The following OR11A1 variants were observed in gnomAD, a reference collection of about 807,000 sequenced individuals.
OR11A1 encodes the protein olfactory receptor family 11 subfamily A member 1.
For missense variants in OR11A1, 380 were observed against 378.2 expected (o/e 1.00, Z -0.04); for synonymous variants, 158 against 152.2 (o/e 1.04, Z -0.28).
rs190930561 is a variant in OR11A1, at chr6:29,455,607, T to G, written c.-389+1380A>C. Among the ~76,000 whole-genome samples the G allele has an allele frequency of 1.7e-3, 266 of 152,266 alleles. 6 individuals carry two copies. The highest frequency in any genetic ancestry group is 0.017 in the Middle Eastern group (5 of 294). ...TAATTGGCTTGACCATAGTAATCAT[T>G]TAACTATGTATATCAAAACATCATT... is the stretch of plus-strand genomic sequence containing the variant. On this transcript the variant is annotated intron_variant, in intron 1 of 4. Transcript: ENST00000377149.
chr6:29,453,779 G>A lies in OR11A1; in HGVS notation c.-389+3208C>T, dbSNP rs1252711715. Reference sequence around the variant, plus strand: ...TACAGAAGAAACATGAGAGAAACCAGCATGAAGTAAAATCCAAGACAAACT... The same window carrying A: ...TACAGAAGAAACATGAGAGAAACCAACATGAAGTAAAATCCAAGACAAACT... On this transcript the variant is annotated intron_variant, in intron 1 of 4. Coordinates refer to ENST00000377149, the MANE Select transcript of OR11A1 (RefSeq NM_001394828.1). This position sits in a 1 kb window ranked among gnomAD's most constrained non-coding sequence, Gnocchi z 4.5. Among the ~76,000 whole-genome samples the A allele has an allele frequency of 6.6e-6, 1 of 152,166 alleles. No individual in the cohort carries two copies. The highest frequency in any genetic ancestry group is 1.9e-4 in the East Asian group (1 of 5,198).
At chr6:29,434,015 G>A (rs1783451350) in intron 1 of OR11A1, among the ~76,000 whole-genome samples, 1 of 152,018 alleles carries the variant, frequency 6.6e-6, no homozygotes, top group African/African-American at 2.4e-5. Flanking sequence ...TTAAAATTGA[G>A]TTATTTGTTT....
chr6:29,447,578 A>G (rs138463389), intron 1 of OR11A1, among the ~76,000 whole-genome samples: 7 of 152,342 alleles, frequency 4.6e-5, no homozygotes, highest in African/African-American at 7.2e-5. Context: ...AATGAACTGA[A>G]GGAGGACTAG....
chr6:29,438,718 C>T (rs540219677), intron 1 of OR11A1, among the ~76,000 whole-genome samples: 23 of 152,250 alleles, frequency 1.5e-4, no homozygotes, highest in African/African-American at 4.3e-4. Flanking sequence ...AAGCATTCTC[C>T]CCATTGGAAA....
At chr6:29,448,335 G>T (rs1356260220) in intron 1 of OR11A1, among the ~76,000 whole-genome samples, 1 of 152,156 alleles carries the variant, frequency 6.6e-6, no homozygotes, top group Non-Finnish European at 1.5e-5. Flanking sequence ...TTCTAAGGAA[G>T]TGAAGATGGC....
chr6:29,451,854 G>T (rs1367554394), intron 1 of OR11A1, among the ~76,000 whole-genome samples: 1 of 152,108 alleles, frequency 6.6e-6, no homozygotes, highest in South Asian at 2.1e-4. Context: ...ATACACGAAG[G>T]AATATAAATT....
At chr6:29,427,849 C>T in intron 4 of OR11A1, 117 bp from the exon 5 acceptor site, 1 of 757,662 alleles carries the variant, frequency 1.3e-6, no homozygotes, top group African/African-American at 1.8e-5. Flanking sequence ...CTCATCCTTC[C>T]CTGCCTTCCT....
At chr6:29,434,368 A>G (rs554361221) in intron 1 of OR11A1, among the ~76,000 whole-genome samples, 27 of 152,204 alleles carry the variant, frequency 1.8e-4, no homozygotes, top group Non-Finnish European at 3.2e-4. Flanking sequence ...ATCCAATTTC[A>G]TTCTTCTGCA....
rs117858402 is a variant in OR11A1, at chr6:29,438,465, T to A, written c.-388-6478A>T. Among the ~76,000 whole-genome samples the A allele has an allele frequency of 3.5e-3, 503 of 144,894 alleles. 5 individuals are homozygous for A. The highest frequency in any genetic ancestry group is 0.014 in the East Asian group (73 of 5,124). Reference sequence around the variant, plus strand: ...CAAATAAATTGATTACTGGATTATATCAATATACATAAGAAGGGTAAAATT... The same window carrying A: ...CAAATAAATTGATTACTGGATTATAACAATATACATAAGAAGGGTAAAATT... On this transcript the variant is annotated intron_variant, in intron 1 of 4. Coordinates refer to ENST00000377149, the MANE Select transcript of OR11A1 (RefSeq NM_001394828.1).
intron 1 of OR11A1, among the ~76,000 whole-genome samples, chr6:29,449,919 G>A (rs1482520329): frequency 2.6e-5 from 4 of 152,272 alleles, no homozygotes; most frequent in East Asian, 3.9e-4. Context: ...TTACAAGCCT[G>A]AGTCACCGTG....
intron 1 of OR11A1, among the ~76,000 whole-genome samples, chr6:29,432,225 C>T (rs551943929): frequency 3.9e-5 from 6 of 152,082 alleles, no homozygotes; most frequent in Non-Finnish European, 7.4e-5. Flanking sequence ...ATAGCAGGCC[C>T]CTAAGGAAAT....
At chr6:29,448,598 G>A (rs540775203) in intron 1 of OR11A1, among the ~76,000 whole-genome samples, 2 of 152,128 alleles carry the variant, frequency 1.3e-5, no homozygotes, top group African/African-American at 2.4e-5. Flanking sequence ...CCAAACTGTC[G>A]GCAAAAGCCC....
At chr6:29,451,428 G>A (rs1785362307) in intron 1 of OR11A1, among the ~76,000 whole-genome samples, 1 of 152,090 alleles carries the variant, frequency 6.6e-6, no homozygotes, top group African/African-American at 2.4e-5. Flanking sequence ...CTACAGTATG[G>A]GAGAAAATGT....
rs550052766 is a variant in OR11A1 at position 29,427,118 on chromosome 6, A to G, written c.524T>C (p.Ile175Thr). 33 of 1,612,980 alleles carry G rather than the reference A, an allele frequency of 2.0e-5. No homozygotes were observed. The highest frequency in any genetic ancestry group is 1.8e-4 in the East Asian group (8 of 44,880). Residue 175 changes from isoleucine (I) to threonine (T), a missense_variant, in exon 5 of 5, where the codon ATT becomes ACT. Coordinates refer to ENST00000377149, the MANE Select transcript of OR11A1 (RefSeq NM_001394828.1). ...AQLRFCGPNHIDQFYCDFMLF... is the reference protein window; with the variant it reads ...AQLRFCGPNHTDQFYCDFMLF... ...CATAAAGTCACAGTAAAACTGGTCA[A>G]TGTGGTTGGGGCCACAGAACCTCAG...
intron 1 of OR11A1, 185 bp from the exon 2 acceptor site, chr6:29,432,172 C>T (rs1161973518): frequency 2.8e-5 from 5 of 180,042 alleles, no homozygotes; most frequent in Admixed American, 2.6e-4. Context: ...CCCCTGAGAA[C>T]CAATTACAGA....
chr6:29,427,673 T>C lies in OR11A1; in HGVS notation c.-32A>G, dbSNP rs567315371. On this transcript the variant is annotated 5_prime_UTR_variant, in exon 5 of 5. Coordinates refer to ENST00000377149, the MANE Select transcript of OR11A1 (RefSeq NM_001394828.1). The stretch of plus-strand genomic sequence containing the variant: ...CGTCCAAGTTTCTGCTTGGCAATAA[T>C]TGGGGGAGAAATTTTAGCATGTCTC... 5.7e-6 allele frequency: 9 copies of C among 1,577,910 alleles called. No individual in the cohort carries two copies. The highest frequency in any genetic ancestry group is 1.2e-5 in the South Asian group (1 of 84,678).
Position 29,438,919 on chromosome 6 carries a change from G to A in OR11A1, c.-388-6932C>T, listed in dbSNP as rs11754009. The stretch of plus-strand genomic sequence containing the variant: ...GACACCTTTGAGATAATATCTTCTG[G>A]AAAACACTGAAAGAGCCCCCAGAGG... On this transcript the variant is annotated intron_variant, in intron 1 of 4. Transcript: ENST00000377149. 4.2e-3 allele frequency among the ~76,000 whole-genome samples: 637 copies of A among 152,316 alleles called. 5 individuals carry two copies. The highest frequency in any genetic ancestry group is 0.01 in the African/African-American group (427 of 41,588).
Position 29,426,554 on chromosome 6 carries a change from T to C in OR11A1, c.*140A>G. 7.9e-6 allele frequency: 5 copies of C among 632,852 alleles called. No individual in the cohort carries two copies. The highest frequency in any genetic ancestry group is 1.3e-5 in the Non-Finnish European group (5 of 376,742). The allele number at this position is 632,852 out of a possible 1,614,324, so 39.2% of individuals were successfully genotyped here. ...TAAAAGTTAAAAAATTGTTGCCCTA[T>C]CATTTTCATTTTTAGTATAACTGCA... On this transcript the variant is annotated 3_prime_UTR_variant, in exon 5 of 5. Transcript: ENST00000377149.
chr6:29,447,599 AG>A (rs1344463515), intron 1 of OR11A1, among the ~76,000 whole-genome samples: 1 of 152,232 alleles, frequency 6.6e-6, no homozygotes, highest in Non-Finnish European at 1.5e-5. Context: ...AGATAAGTAC[AG>A]GGGTGCGTCC....
Sources: gnomAD v4.1 joint callset for allele counts (sites outside exome capture counted in the v4.1 genomes callset) on GRCh38, gnomAD v4.1.1 for gene constraint, Gnocchi (gnomAD v3.1) non-coding constraint, MANE v1.5 for transcripts, NCBI Gene and HGNC (gene_info 2026-07-23, HGNC 2026-07-21) for gene names.